Variants in PRKD3 observed in about 807,000 individuals in gnomAD.
PRKD3 encodes the protein serine/threonine-protein kinase D3.
A neutral mutation model predicts 99.2 loss-of-function variants in PRKD3; 47 were observed. That is an observed-to-expected ratio of 0.47 (90% CI 0.38 to 0.60). PRKD3 has a LOEUF of 0.60. PRKD3 is among the 20% of genes least tolerant of loss of function. The pLI, the probability that PRKD3 is intolerant of heterozygous loss-of-function variation, is 0.00. For synonymous variants in PRKD3, 392 were observed against 355.4 expected (o/e 1.10, Z -1.16); for missense variants, 1,019 against 1,088.4 (o/e 0.94, Z 0.90).
rs1667572668 is a variant in PRKD3 at position 37,252,457 on chromosome 2, C to T, written c.*720G>A. On this transcript the variant is annotated 3_prime_UTR_variant, in exon 19 of 19. Transcript: ENST00000234179. ...CTCTTCCTTTTGTAACATCATTTGT[C>T]CCTAATTATCTTAGAAGCTGTTGCA... 6.6e-6 allele frequency: 1 copy of T among 152,156 alleles called. No individual in the cohort carries two copies. The highest frequency in any genetic ancestry group is 2.4e-5 in the African/African-American group (1 of 41,422). 9.4% of individuals were successfully genotyped at this position (152,156 alleles called of 1,614,324 possible).
intron 16 of PRKD3, among the ~76,000 whole-genome samples, chr2:37,259,266 T>C (rs772098893): frequency 1.3e-5 from 2 of 152,246 alleles, no homozygotes; most frequent in Non-Finnish European, 2.9e-5. Flanking sequence ...ATTTGTTTTA[T>C]TTATGAGGTA....
At chr2:37,263,889 G>T (rs34819784) in intron 14 of PRKD3, among the ~76,000 whole-genome samples, 2 of 151,800 alleles carry the variant, frequency 1.3e-5, no homozygotes, top group South Asian at 2.1e-4. Flanking sequence ...TATAGCTTTG[G>T]GGTAGCTTCC....
chr2:37,275,250 T>C (rs1322351795), intron 10 of PRKD3, among the ~76,000 whole-genome samples: 1 of 152,066 alleles, frequency 6.6e-6, no homozygotes, highest in African/African-American at 2.4e-5. Flanking sequence ...AGCAAGCCAT[T>C]AGTTCCCATT....
chr2:37,286,630 C>A (rs1670108599), intron 5 of PRKD3, among the ~76,000 whole-genome samples: 1 of 152,064 alleles, frequency 6.6e-6, no homozygotes, highest in African/African-American at 2.4e-5. Flanking sequence ...GATTATTTGC[C>A]AGGCACATTT....
Position 37,259,607 on chromosome 2 carries a change from A to C in PRKD3, c.2121T>G (p.Leu707=). The C allele has an allele frequency of 6.2e-7, 1 of 1,613,000 alleles. No individual in the cohort carries two copies. ...CCTGAGGAAATGGCTCTGCTGATGC[A>C]AGCAGCACATTTTCTGGCTTTAAAT... ...HCDLKPENVL[L]ASAEPFPQVK... The change falls in exon 16 of 19, where the codon CTT becomes CTG. Residue 707 remains leucine, a synonymous_variant. Transcript: ENST00000234179.
chr2:37,258,839 A>G (rs1447910132), intron 16 of PRKD3, among the ~76,000 whole-genome samples: 1 of 152,216 alleles, frequency 6.6e-6, no homozygotes, highest in African/African-American at 2.4e-5. Context: ...TAGTCTTGCC[A>G]TTTGTCTAAA....
intron 3 of PRKD3, among the ~76,000 whole-genome samples, chr2:37,292,625 C>T (rs11682607): frequency 0.32 from 48,379 of 151,576 alleles, 8,680 homozygotes; most frequent in East Asian, 0.43. Context: ...GGATTACAGG[C>T]GTGAGCCACC....
intron 11 of PRKD3, among the ~76,000 whole-genome samples, chr2:37,273,522 G>C (rs1386977877): frequency 1.3e-5 from 2 of 152,082 alleles, no homozygotes; most frequent in Admixed American, 1.3e-4. Flanking sequence ...CTGTATCTGA[G>C]TTTTTTAAGT....
intron 16 of PRKD3, among the ~76,000 whole-genome samples, chr2:37,259,260 G>A (rs553435527): frequency 1.3e-5 from 2 of 152,160 alleles, no homozygotes; most frequent in African/African-American, 4.8e-5. Context: ...CACCCCATTT[G>A]TTTTATTTAT....
At chr2:37,264,935 T>A (rs1349795452) in intron 14 of PRKD3, among the ~76,000 whole-genome samples, 1 of 152,142 alleles carries the variant, frequency 6.6e-6, no homozygotes, top group Non-Finnish European at 1.5e-5. Flanking sequence ...AACTGTAAGG[T>A]CACTTCTAAA....
intron 2 of PRKD3, among the ~76,000 whole-genome samples, chr2:37,303,649 A>G (rs944453136): frequency 1.3e-5 from 2 of 152,168 alleles, no homozygotes; most frequent in Non-Finnish European, 2.9e-5. Flanking sequence ...TGGCGGACTG[A>G]GTAAACAGGG....
At chr2:37,311,020 A>G (rs1357629118) in intron 2 of PRKD3, among the ~76,000 whole-genome samples, 1 of 152,194 alleles carries the variant, frequency 6.6e-6, no homozygotes, top group Non-Finnish European at 1.5e-5. Context: ...ACCACTAGGA[A>G]GCAGAATCAC....
Position 37,283,484 on chromosome 2 carries a change from G to C in PRKD3, c.911-865C>G, listed in dbSNP as rs1391427391. 2.0e-5 allele frequency among the ~76,000 whole-genome samples: 3 copies of C among 152,144 alleles called. No homozygotes were observed. The East Asian group carries it at 5.8e-4, about 29-fold the overall frequency. On this transcript the variant is annotated intron_variant, in intron 6 of 18. Transcript: ENST00000234179. ...CCTGGGTATCATGCCAACAGCACAG[G>C]CTAAAGATCATTATATGACATAAGC...
At chr2:37,280,657 A>C (rs950706526) in intron 7 of PRKD3, among the ~76,000 whole-genome samples, 8 of 152,130 alleles carry the variant, frequency 5.3e-5, no homozygotes, top group African/African-American at 1.9e-4. Context: ...AAACTATAAA[A>C]CTCATAGGAG....
At chr2:37,281,323 A>G (rs1416156874) in intron 7 of PRKD3, among the ~76,000 whole-genome samples, 1 of 152,248 alleles carries the variant, frequency 6.6e-6, no homozygotes, top group Admixed American at 6.5e-5. Flanking sequence ...CTTTAGTCAT[A>G]GACAAACTAT....
intron 14 of PRKD3, 85 bp from the exon 15 acceptor site, chr2:37,260,469 T>C: frequency 1.6e-6 from 2 of 1,255,742 alleles, no homozygotes; most frequent in Non-Finnish European, 2.3e-6. Flanking sequence ...TTGTCTGAAA[T>C]GGCACAGAAA....
intron 17 of PRKD3, among the ~76,000 whole-genome samples, chr2:37,255,923 A>G (rs1016275010): frequency 6.6e-6 from 1 of 152,142 alleles, no homozygotes; most frequent in Non-Finnish European, 1.5e-5. Context: ...CTGAGGTGGG[A>G]GGATCACTTG....
intron 5 of PRKD3, among the ~76,000 whole-genome samples, chr2:37,287,201 G>A (rs1670139876): frequency 8.6e-6 from 1 of 115,772 alleles, no homozygotes; most frequent in Non-Finnish European, 1.6e-5. Context: ...TTGGACTCCA[G>A]CCTGGGCAAC....
At chr2:37,263,133 C>G (rs1668593183) in intron 14 of PRKD3, among the ~76,000 whole-genome samples, 1 of 151,872 alleles carries the variant, frequency 6.6e-6, no homozygotes, top group South Asian at 2.1e-4. Flanking sequence ...ATTCTTAATT[C>G]ACTTATTTTC....
Sources: allele counts gnomAD v4.1 joint callset (sites outside exome capture counted in the v4.1 genomes callset), GRCh38; gene constraint gnomAD v4.1.1; transcripts MANE v1.5; gene names NCBI Gene and HGNC (gene_info 2026-07-23, HGNC 2026-07-21).